NLK: variants seen among roughly 807,000 people sequenced by gnomAD.
The protein encoded by NLK is serine/threonine-protein kinase NLK.
In NLK, 11 loss-of-function variants were observed where a neutral mutation model predicts 59.0. The observed-to-expected ratio is 0.19, with a 90% confidence interval of 0.12 to 0.31. The LOEUF (loss-of-function observed/expected upper bound fraction) is 0.31. Ranked by LOEUF, NLK falls within the 10% of genes least tolerant of loss-of-function variation. NLK has a pLI of 1.00. For missense variants in NLK, 410 were observed against 661.1 expected (o/e 0.62, Z 4.16); for synonymous variants, 235 against 235.9 (o/e 1.00, Z 0.03).
intron 7 of NLK, among the ~76,000 whole-genome samples, chr17:28,176,135 A>G (rs1908668412): frequency 6.6e-6 from 1 of 152,220 alleles, no homozygotes; most frequent in Non-Finnish European, 1.5e-5. Flanking sequence ...GCTTTTAGAA[A>G]AGACTCCTAG....
At chr17:28,131,186 T>C (rs1906500695) in intron 2 of NLK, among the ~76,000 whole-genome samples, 1 of 152,064 alleles carries the variant, frequency 6.6e-6, no homozygotes, top group South Asian at 2.1e-4. Flanking sequence ...GAACCGGGTT[T>C]CTTCTACACA....
intron 3 of NLK, 29 bp downstream of exon 3, chr17:28,132,704 G>A (rs1266266042): frequency 2.6e-6 from 4 of 1,566,872 alleles, no homozygotes; most frequent in Non-Finnish European, 2.6e-6. Context: ...GTGAAAGAAG[G>A]GGACAATTTT....
intron 1 of NLK, among the ~76,000 whole-genome samples, chr17:28,078,886 CT>C (rs1910255499): frequency 6.6e-6 from 1 of 152,074 alleles, no homozygotes. Context: ...CTTATGGATT[CT>C]TTTTATTGTT....
rs60059065 is a variant in NLK, at chr17:28,105,739, A to G, written c.459-16864A>G. Among the ~76,000 whole-genome samples the G allele has an allele frequency of 3.3e-5, 5 of 152,304 alleles. No homozygotes were observed. In the East Asian group the frequency reaches 9.6e-4, roughly 29 times the overall value. ...TTGGCCACAGAAGAAAGCCTTTGTTATCTCTTGCTAGCAGCTTTTGAGCCT... is the reference window on the plus strand; with the variant it reads ...TTGGCCACAGAAGAAAGCCTTTGTTGTCTCTTGCTAGCAGCTTTTGAGCCT... On this transcript the variant is annotated intron_variant, in intron 1 of 10. Coordinates refer to ENST00000407008, the MANE Select transcript of NLK (RefSeq NM_016231.5).
chr17:28,198,735 A>G (rs1370544951), downstream of NLK, among the ~76,000 whole-genome samples: 1 of 152,198 alleles, frequency 6.6e-6, no homozygotes, highest in Non-Finnish European at 1.5e-5. Flanking sequence ...CTTAGATATT[A>G]ATGTGGTGCA....
chr17:28,073,460 A>G (rs1382668771), intron 1 of NLK, among the ~76,000 whole-genome samples: 1 of 152,174 alleles, frequency 6.6e-6, no homozygotes, highest in African/African-American at 2.4e-5. Flanking sequence ...TTGTGAATGT[A>G]TATTTCTTTC....
intron 1 of NLK, among the ~76,000 whole-genome samples, chr17:28,099,569 T>C (rs889728440): frequency 1.1e-4 from 14 of 122,892 alleles, no homozygotes; most frequent in Admixed American, 2.5e-4. Flanking sequence ...TGTGTTTGAC[T>C]TTTTTTTTTT....
chr17:28,049,497 AGCT>A (rs1277234631), intron 1 of NLK, among the ~76,000 whole-genome samples: 2 of 152,100 alleles, frequency 1.3e-5, no homozygotes, highest in Non-Finnish European at 2.9e-5. Context: ...ACCTCTATTA[AGCT>A]GCTGCTGCTG....
At chr17:28,053,935 G>A (rs1030276869) in intron 1 of NLK, among the ~76,000 whole-genome samples, 24 of 152,170 alleles carry the variant, frequency 1.6e-4, no homozygotes, top group Admixed American at 1.3e-4. Context: ...ACAATTATCA[G>A]GTGATTGTCT....
chr17:28,077,736 ATGTT>A (rs1469991075), intron 1 of NLK, among the ~76,000 whole-genome samples: 1 of 152,190 alleles, frequency 6.6e-6, no homozygotes, highest in Non-Finnish European at 1.5e-5. Context: ...TAATAAGAAA[ATGTT>A]TGGAAACTTT....
downstream of NLK, among the ~76,000 whole-genome samples, chr17:28,198,511 G>A (rs914702174): frequency 6.6e-6 from 1 of 152,136 alleles, no homozygotes; most frequent in African/African-American, 2.4e-5. Context: ...TTTTAGTAAA[G>A]ATAGGGTTCC....
intron 1 of NLK, among the ~76,000 whole-genome samples, chr17:28,057,631 T>G (rs887345624): frequency 6.6e-6 from 1 of 152,226 alleles, no homozygotes; most frequent in African/African-American, 2.4e-5. Context: ...AAGATCTGGT[T>G]TCACAATTCT....
At chr17:28,133,437 C>T (rs1013452081) in intron 3 of NLK, among the ~76,000 whole-genome samples, 1 of 152,106 alleles carries the variant, frequency 6.6e-6, no homozygotes, top group Non-Finnish European at 1.5e-5. Flanking sequence ...TCTCCTGTTA[C>T]TACTGTTGAT....
At chr17:28,115,762 T>C (rs1905738311) in intron 1 of NLK, among the ~76,000 whole-genome samples, 1 of 152,232 alleles carries the variant, frequency 6.6e-6, no homozygotes, top group African/African-American at 2.4e-5. Context: ...TCTTTAATTT[T>C]GCTCTGTAAT....
chr17:28,043,790 C>G (rs1041354073), intron 1 of NLK, among the ~76,000 whole-genome samples: 9 of 152,210 alleles, frequency 5.9e-5, no homozygotes, highest in African/African-American at 1.7e-4. Flanking sequence ...TCTGTCTTTT[C>G]ACTTATTTTG....
chr17:28,196,038 G>A lies in NLK; in HGVS notation c.*1402G>A, dbSNP rs569775573. 2.0e-5 allele frequency: 3 copies of A among 152,754 alleles called. No individual in the cohort carries two copies. The South Asian group carries it at 6.2e-4, about 32-fold the overall frequency. 9.5% of individuals were successfully genotyped at this position (152,754 alleles called of 1,614,324 possible). On this transcript the variant is annotated 3_prime_UTR_variant, in exon 11 of 11. Transcript: ENST00000407008. ...ATTTAGCAGAGTATTTTCAACTTGA[G>A]TGATCTGAGCTGAATTTGAAGACTA...
chr17:28,060,719 TAAC>T (rs1909603075), intron 1 of NLK, among the ~76,000 whole-genome samples: 1 of 152,220 alleles, frequency 6.6e-6, no homozygotes, highest in Admixed American at 6.5e-5. Context: ...CAGAAATAGA[TAAC>T]ACTTTTAAAC....
intron 3 of NLK, among the ~76,000 whole-genome samples, chr17:28,140,576 C>G (rs989130921): frequency 9.2e-5 from 14 of 152,062 alleles, no homozygotes; most frequent in Admixed American, 5.2e-4. Flanking sequence ...TTGTTTTATG[C>G]CCTTTCTAAC....
At chr17:28,075,611 A>G (rs1424670628) in intron 1 of NLK, among the ~76,000 whole-genome samples, 1 of 152,172 alleles carries the variant, frequency 6.6e-6, no homozygotes, top group Non-Finnish European at 1.5e-5. Flanking sequence ...CATTTGAGTA[A>G]AAAGTGCCTC....
Sources: allele counts gnomAD v4.1 joint callset (sites outside exome capture counted in the v4.1 genomes callset), GRCh38; gene constraint gnomAD v4.1.1; transcripts MANE v1.5; gene names NCBI Gene and HGNC (gene_info 2026-07-23, HGNC 2026-07-21).